The following PROZ variants were observed in gnomAD, a reference collection of about 807,000 sequenced individuals.
PROZ encodes the protein vitamin K-dependent protein Z.
A neutral mutation model predicts 34.9 loss-of-function variants in PROZ; 46 were observed. The ratio of observed to expected loss-of-function variants is 1.32; its 90% confidence interval spans 1.04 to 1.69. The LOEUF (loss-of-function observed/expected upper bound fraction) is 1.69, where lower values mean the gene tolerates loss of function less well. PROZ is among the 40% of genes most tolerant of loss of function. PROZ has a pLI of 0.00. For missense variants in PROZ, 530 were observed against 520.4 expected (o/e 1.02, Z -0.18); for synonymous variants, 195 against 208.5 (o/e 0.94, Z 0.56).
Position 113,164,587 on chromosome 13 carries a change from T to TG in PROZ, c.449dup (p.Cys150TrpfsTer11). 1.2e-6 allele frequency: 2 copies of TG among 1,613,920 alleles called. No homozygotes were observed. The highest frequency in any genetic ancestry group is 1.7e-6 in the Non-Finnish European group (2 of 1,180,014). On this transcript the variant is annotated frameshift_variant, in exon 5 of 8. Transcript: ENST00000375547. LOFTEE classifies it high-confidence loss of function. ...CCTCCCAGGACAGGAATCCTACACA[T>TG]GCAGCTGTGCTCAGGGCTACAGGCT...
intron 3 of PROZ, among the ~76,000 whole-genome samples, chr13:113,161,257 C>A (rs899236360): frequency 5.3e-5 from 8 of 152,230 alleles, no homozygotes; most frequent in African/African-American, 1.7e-4. Flanking sequence ...GGAGGGCCCC[C>A]CCAGAGCAGC....
At position 113,172,350 on chromosome 13, in the gene PROZ, A is replaced by G; in HGVS notation, c.*245A>G. ...CTTAAAAGAAAACATGAGATACGTT[A>G]AATAATAAAATAAGATAATCTGTCA... On this transcript the variant is annotated 3_prime_UTR_variant, in exon 8 of 8. Coordinates refer to ENST00000375547, the MANE Select transcript of PROZ (RefSeq NM_003891.3). The G allele has an allele frequency of 3.7e-6, 2 of 543,604 alleles. No individual in the cohort carries two copies. The highest frequency in any genetic ancestry group is 4.1e-5 in the South Asian group (2 of 49,326). The allele number at this position is 543,604 out of a possible 1,614,324, so 33.7% of individuals were successfully genotyped here.
intron 6 of PROZ, among the ~76,000 whole-genome samples, chr13:113,167,387 T>C (rs2036970093): frequency 6.6e-6 from 1 of 152,220 alleles, no homozygotes; most frequent in Non-Finnish European, 1.5e-5. Flanking sequence ...GGAAAAACAC[T>C]TTCTCACTTG....
intron 4 of PROZ, 99 bp from the exon 5 acceptor site, chr13:113,164,414 G>T: frequency 7.2e-7 from 1 of 1,389,846 alleles, no homozygotes; most frequent in South Asian, 1.2e-5. Flanking sequence ...GCAAGGCTGT[G>T]ATAAAATGAA....
chr13:113,159,323 C>A lies in PROZ; in HGVS notation c.70+593C>A. ...CATGGTCTCCCGCTGGCCCCATGGT[C>A]TCCCACCCTGAGAGGGTGATCCCCC... On this transcript the variant is annotated intron_variant, in intron 1 of 7. Transcript: ENST00000375547. This position sits in a 1 kb window ranked among gnomAD's most constrained non-coding sequence, Gnocchi z 4.6. 1 of 1,467,002 alleles carries A rather than the reference C, an allele frequency of 6.8e-7. No homozygotes were observed. The highest frequency in any genetic ancestry group is 1.2e-5 in the South Asian group (1 of 82,202). 90.9% of individuals were successfully genotyped at this position (1,467,002 alleles called of 1,614,324 possible).
At chr13:113,166,181 T>TAAAA (rs2036926163) in intron 6 of PROZ, 1 of 152,244 alleles carries the variant, frequency 6.6e-6, no homozygotes, top group South Asian at 2.1e-4. Flanking sequence ...CCACATAATT[T>TAAAA]AAAATTTTCT....
intron 3 of PROZ, among the ~76,000 whole-genome samples, chr13:113,161,882 G>C (rs370277658): frequency 7.5e-3 from 200 of 26,532 alleles, no homozygotes; most frequent in South Asian, 0.032. Context: ...TCCCTGCCAC[G>C]TCCCCACATC....
intron 4 of PROZ, among the ~76,000 whole-genome samples, chr13:113,164,039 C>T (rs2036836706): frequency 1.3e-5 from 2 of 150,294 alleles, no homozygotes; most frequent in African/African-American, 2.5e-5. Flanking sequence ...AGTGCAGTGA[C>T]GCGATGTCAG....
chr13:113,164,304 G>A (rs540331035), intron 4 of PROZ, among the ~76,000 whole-genome samples: 1 of 152,078 alleles, frequency 6.6e-6, no homozygotes, highest in Non-Finnish European at 1.5e-5. Flanking sequence ...TGTTCTACAT[G>A]CACATTCCTG....
At chr13:113,161,108 G>T (rs528517440) in intron 3 of PROZ, 136 bp downstream of exon 3, 2 of 828,466 alleles carry the variant, frequency 2.4e-6, no homozygotes, top group East Asian at 2.4e-5. Flanking sequence ...TCTCTCCAGG[G>T]AAGGGCAGCT....
chr13:113,165,597 C>T (rs45527236), intron 6 of PROZ, among the ~76,000 whole-genome samples: 1 of 152,168 alleles, frequency 6.6e-6, no homozygotes, highest in Non-Finnish European at 1.5e-5. Context: ...GTGGTCCAGT[C>T]CCGGCTCACT....
chr13:113,162,950 C>G (rs2036789173), intron 3 of PROZ, 59 bp from the exon 4 acceptor site: 8 of 1,131,878 alleles, frequency 7.1e-6, no homozygotes, highest in Non-Finnish European at 9.0e-6. Flanking sequence ...CCCCACCCTC[C>G]TCCTGCTCAG....
In PROZ at chr13:113,158,986, A is replaced by T. The variant is rs3024712; in HGVS notation, c.70+256A>T. 2.7e-4 allele frequency among the ~76,000 whole-genome samples: 39 copies of T among 145,698 alleles called. 2 individuals carry two copies. The East Asian group carries it at 7.9e-3, about 29-fold the overall frequency. Reference sequence around the variant, plus strand: ...CCTGTGTGCAGGGGATTCAGCCGGGAAAGGCCGGGGAGAGGGGAGGGGGAA... The same window carrying T: ...CCTGTGTGCAGGGGATTCAGCCGGGTAAGGCCGGGGAGAGGGGAGGGGGAA... On this transcript the variant is annotated intron_variant, in intron 1 of 7. Coordinates refer to ENST00000375547, the MANE Select transcript of PROZ (RefSeq NM_003891.3). This position sits in a 1 kb window ranked among gnomAD's most constrained non-coding sequence, Gnocchi z 4.3.
At chr13:113,169,274 T>C (rs74528208) in intron 6 of PROZ, among the ~76,000 whole-genome samples, 1,588 of 152,348 alleles carry the variant, frequency 0.01, 24 homozygotes, top group African/African-American at 0.034. Context: ...TAACCTCATA[T>C]ATTGTAGCTG....
chr13:113,165,126 A>G lies in PROZ; in HGVS notation c.573+6A>G. The G allele has an allele frequency of 6.2e-7, 1 of 1,610,402 alleles. No individual in the cohort carries two copies. Among genetic ancestry groups the G allele is most frequent in the Non-Finnish European group, 8.5e-7 (1 of 1,179,558 alleles). On this transcript the variant is annotated splice_donor_region_variant and intron_variant, in intron 6 of 7. Transcript: ENST00000375547. ...TACAGGACCTCCCGTGGCAGGTAAC[A>G]GAGCGCTCTCCGCGTGCTTCAATTT... is the stretch of plus-strand genomic sequence containing the variant.
chr13:113,163,581 T>C (rs1433791635), intron 4 of PROZ, among the ~76,000 whole-genome samples: 2 of 152,232 alleles, frequency 1.3e-5, no homozygotes, highest in Non-Finnish European at 2.9e-5. Context: ...TCAGCACCAC[T>C]GGTCAACTTG....
intron 6 of PROZ, among the ~76,000 whole-genome samples, chr13:113,168,085 G>A (rs1455973227): frequency 1.3e-5 from 2 of 152,092 alleles, no homozygotes; most frequent in African/African-American, 4.8e-5. Flanking sequence ...CCTGGGTGCT[G>A]GTTTTGGCAT....
intron 3 of PROZ, 144 bp from the exon 4 acceptor site, chr13:113,162,865 G>A (rs2036785852): frequency 5.0e-6 from 3 of 600,600 alleles, no homozygotes; most frequent in South Asian, 3.5e-5. Context: ...TCCTGCTCAG[G>A]TGCTCAGGTC....
intron 6 of PROZ, among the ~76,000 whole-genome samples, chr13:113,168,370 C>T (rs2037009229): frequency 1.3e-5 from 2 of 152,134 alleles, no homozygotes; most frequent in African/African-American, 2.4e-5. Flanking sequence ...AGCCTTCTTG[C>T]GTTTGTCTGG....
Sources: gnomAD v4.1 joint callset for allele counts (sites outside exome capture counted in the v4.1 genomes callset) on GRCh38, gnomAD v4.1.1 for gene constraint, Gnocchi (gnomAD v3.1) non-coding constraint, MANE v1.5 for transcripts, NCBI Gene and HGNC (gene_info 2026-07-23, HGNC 2026-07-21) for gene names.